The following BABAM2 variants were observed in gnomAD, a reference collection of about 807,000 sequenced individuals.
BABAM2 encodes BRISC and BRCA1 A complex member 2, also known as BRISC and BRCA1-A complex member 2.
BABAM2 carries 31 observed loss-of-function variants against 54.7 expected under a neutral mutation model. That is an observed-to-expected ratio of 0.57 (90% CI 0.43 to 0.77). The LOEUF is 0.77. Ranked by LOEUF, BABAM2 falls within the 30% of genes least tolerant of loss-of-function variation. The pLI, the probability that BABAM2 is intolerant of heterozygous loss-of-function variation, is 0.00. For synonymous variants in BABAM2, 167 were observed against 162.9 expected (o/e 1.03, Z -0.19); for missense variants, 364 against 455.8 (o/e 0.80, Z 1.83).
At chr2:28,051,069 C>A (rs758576227) in intron 6 of BABAM2, among the ~76,000 whole-genome samples, 1 of 152,198 alleles carries the variant, frequency 6.6e-6, no homozygotes, top group African/African-American at 2.4e-5. Flanking sequence ...AGAGCTATTT[C>A]CTTGGCCCCA....
At chr2:28,135,234 T>C (rs1670431503) in intron 7 of BABAM2, among the ~76,000 whole-genome samples, 1 of 152,248 alleles carries the variant, frequency 6.6e-6, no homozygotes, top group Admixed American at 6.5e-5. Context: ...AAATATGCAA[T>C]ACTGTAACAA....
chr2:28,227,991 C>G (rs959401267), intron 7 of BABAM2, among the ~76,000 whole-genome samples: 1 of 152,174 alleles, frequency 6.6e-6, no homozygotes, highest in East Asian at 1.9e-4. Flanking sequence ...TCCAGTTTCA[C>G]TGTTTCCAGC....
intron 7 of BABAM2, among the ~76,000 whole-genome samples, chr2:28,172,606 T>A (rs1427940389): frequency 1.3e-5 from 2 of 152,320 alleles, no homozygotes; most frequent in East Asian, 3.9e-4. Context: ...GAAAACCTTG[T>A]CTCAGCGAGG....
At chr2:28,056,607 ATTC>A (rs1414149192) in intron 6 of BABAM2, among the ~76,000 whole-genome samples, 2 of 152,154 alleles carry the variant, frequency 1.3e-5, no homozygotes, top group African/African-American at 4.8e-5. Flanking sequence ...AGTACAGTCT[ATTC>A]TTCTACAGGA....
chr2:28,031,856 C>T (rs756105750), intron 5 of BABAM2, among the ~76,000 whole-genome samples: 2 of 152,084 alleles, frequency 1.3e-5, no homozygotes, highest in Non-Finnish European at 2.9e-5. Context: ...AACTTAGGGA[C>T]ATGACATATA....
chr2:27,894,892 A>G (rs1219421468), intron 2 of BABAM2: 3 of 514,782 alleles, frequency 5.8e-6, no homozygotes, highest in East Asian at 6.5e-5. Context: ...CCATTGTTTT[A>G]TGACTAGAAT....
At chr2:27,900,544 A>G (rs1665700619) in intron 2 of BABAM2, among the ~76,000 whole-genome samples, 2 of 152,158 alleles carry the variant, frequency 1.3e-5, no homozygotes, top group African/African-American at 2.4e-5. Flanking sequence ...CTATCTTCGT[A>G]CTTTTCACAT....
intron 11 of BABAM2, among the ~76,000 whole-genome samples, chr2:28,300,532 T>A (rs1688026036): frequency 6.6e-6 from 1 of 152,234 alleles, no homozygotes; most frequent in Admixed American, 6.5e-5. Flanking sequence ...TTTTCTGGGC[T>A]TTCCTTGTGT....
intron 7 of BABAM2, among the ~76,000 whole-genome samples, chr2:28,215,068 T>TCACA (rs1389216352): frequency 6.6e-6 from 1 of 152,186 alleles, no homozygotes; most frequent in East Asian, 1.9e-4. Context: ...ACCATCTTTT[T>TCACA]CACTGCATTT....
At chr2:28,152,471 C>T (rs1350358478) in intron 7 of BABAM2, among the ~76,000 whole-genome samples, 1 of 151,970 alleles carries the variant, frequency 6.6e-6, no homozygotes, top group Non-Finnish European at 1.5e-5. Flanking sequence ...TTGGGTTTGG[C>T]GCAGGGAGGG....
At chr2:27,959,267 G>T (rs1222175427) in intron 3 of BABAM2, among the ~76,000 whole-genome samples, 1 of 152,158 alleles carries the variant, frequency 6.6e-6, no homozygotes, top group African/African-American at 2.4e-5. Context: ...TAGGAATCCT[G>T]CAAGTTTTAG....
intron 10 of BABAM2, among the ~76,000 whole-genome samples, chr2:28,263,432 C>T (rs1328940775): frequency 6.6e-6 from 1 of 152,166 alleles, no homozygotes; most frequent in Non-Finnish European, 1.5e-5. Flanking sequence ...CATCTGATTC[C>T]AGATCTCTTG....
intron 7 of BABAM2, among the ~76,000 whole-genome samples, chr2:28,185,530 A>G (rs561919624): frequency 6.6e-6 from 1 of 152,336 alleles, no homozygotes; most frequent in South Asian, 2.1e-4. Flanking sequence ...TATTGAAAAT[A>G]TACTAGGCCT....
At chr2:28,243,531 C>CA (rs1457259802) in intron 9 of BABAM2, among the ~76,000 whole-genome samples, 1 of 150,910 alleles carries the variant, frequency 6.6e-6, no homozygotes, top group Non-Finnish European at 1.5e-5. Context: ...GACTCCATCT[C>CA]AAAAAAATTT....
At chr2:28,015,734 A>AT (rs1444140443) in intron 4 of BABAM2, 5 of 1,050,418 alleles carry the variant, frequency 4.8e-6, no homozygotes, top group Non-Finnish European at 2.5e-6. Context: ...GGGAATCCTG[A>AT]TTTTTCTGAA....
At chr2:28,177,434 C>T (rs1029740637) in intron 7 of BABAM2, among the ~76,000 whole-genome samples, 1 of 151,972 alleles carries the variant, frequency 6.6e-6, no homozygotes, top group Admixed American at 6.6e-5. Context: ...AGTGAAAGGA[C>T]AATATCTATC....
At chr2:28,319,343 G>A (rs1175950597) in intron 11 of BABAM2, among the ~76,000 whole-genome samples, 1 of 152,234 alleles carries the variant, frequency 6.6e-6, no homozygotes, top group African/African-American at 2.4e-5. Context: ...CCCTTTGTCT[G>A]GGCCTCTGTC....
intron 11 of BABAM2, among the ~76,000 whole-genome samples, chr2:28,301,039 TGGA>T (rs1373513744): frequency 6.6e-6 from 1 of 152,122 alleles, no homozygotes; most frequent in Non-Finnish European, 1.5e-5. Context: ...TTGAGATTGG[TGGA>T]GAAGGTTGAA....
chr2:27,972,973 G>A (rs1445764881), intron 3 of BABAM2, among the ~76,000 whole-genome samples: 1 of 151,640 alleles, frequency 6.6e-6, no homozygotes, highest in Non-Finnish European at 1.5e-5. Context: ...TCATCATGTT[G>A]GCCAGGCTGG....
Sources: allele counts gnomAD v4.1 joint callset (sites outside exome capture counted in the v4.1 genomes callset), GRCh38; gene constraint gnomAD v4.1.1; transcripts MANE v1.5; gene names NCBI Gene and HGNC (gene_info 2026-07-23, HGNC 2026-07-21).